Variants in AGMO observed in about 807,000 individuals in gnomAD.
AGMO encodes the protein glyceryl-ether monooxygenase.
A neutral mutation model predicts 60.2 loss-of-function variants in AGMO; 75 were observed. That is an observed-to-expected ratio of 1.25 (90% CI 1.03 to 1.51). AGMO has a LOEUF of 1.51. AGMO is among the 40% of genes most tolerant of loss of function. The probability of loss-of-function intolerance (pLI) is 0.00; values close to 1 mark genes in which losing one functional copy is unlikely to be tolerated. For missense variants in AGMO, 763 were observed against 525.5 expected (o/e 1.45, Z -4.42); for synonymous variants, 261 against 177.1 (o/e 1.47, Z -3.76).
At chr7:15,262,459 C>G (rs1032392143) in intron 12 of AGMO, among the ~76,000 whole-genome samples, 2 of 151,996 alleles carry the variant, frequency 1.3e-5, no homozygotes, top group Non-Finnish European at 1.5e-5. Flanking sequence ...CTACAAGACA[C>G]TGCTGAAATA....
At chr7:15,118,673 T>A in the AGMO span, among the ~76,000 whole-genome samples, 1 of 152,056 alleles carries the variant, frequency 6.6e-6, no homozygotes, top group Non-Finnish European at 1.5e-5. Flanking sequence ...TTTGCCTTTG[T>A]CAACCACTGA....
chr7:15,224,858 A>T (rs1262466378), intron 12 of AGMO, among the ~76,000 whole-genome samples: 4 of 152,068 alleles, frequency 2.6e-5, no homozygotes, highest in Admixed American at 6.6e-5. Context: ...TACAAATTTT[A>T]AAAAAAATGC....
intron 3 of AGMO, among the ~76,000 whole-genome samples, chr7:15,479,702 C>A (rs1782698143): frequency 6.6e-6 from 1 of 151,992 alleles, no homozygotes; most frequent in Admixed American, 6.6e-5. Flanking sequence ...TTCCATCAAC[C>A]CTGAAGGCCT....
chr7:15,434,902 T>A (rs926200003), intron 3 of AGMO, among the ~76,000 whole-genome samples: 6 of 150,230 alleles, frequency 4.0e-5, no homozygotes, highest in Non-Finnish European at 7.4e-5. Context: ...CAATGATTTG[T>A]TTTCTTTCCT....
At chr7:15,141,649 A>G in the AGMO span, among the ~76,000 whole-genome samples, 1 of 152,290 alleles carries the variant, frequency 6.6e-6, no homozygotes, top group Middle Eastern at 3.4e-3. Flanking sequence ...GTTTAGTTTT[A>G]TTTCTCTAAG....
chr7:15,305,471 C>A (rs1780586197), intron 12 of AGMO, among the ~76,000 whole-genome samples: 1 of 151,966 alleles, frequency 6.6e-6, no homozygotes, highest in African/African-American at 2.4e-5. Flanking sequence ...GCATCAATTT[C>A]TTTTCACCTG....
intron 3 of AGMO, among the ~76,000 whole-genome samples, chr7:15,498,280 G>C (rs1365871637): frequency 1.3e-5 from 2 of 151,930 alleles, no homozygotes; most frequent in African/African-American, 2.4e-5. Context: ...AACAGTAGTA[G>C]TGATAATTTA....
intron 2 of AGMO, among the ~76,000 whole-genome samples, chr7:15,546,521 T>C (rs894230722): frequency 1.3e-5 from 2 of 152,218 alleles, no homozygotes; most frequent in Non-Finnish European, 2.9e-5. Context: ...CCATTCTTCC[T>C]GAGGGCAGAC....
chr7:15,354,713 G>A (rs369776834), intron 12 of AGMO, among the ~76,000 whole-genome samples: 2 of 150,202 alleles, frequency 1.3e-5, no homozygotes, highest in East Asian at 4.0e-4. Flanking sequence ...AGTTAAGAAA[G>A]AAGAAGAAAT....
At chr7:15,435,325 T>TTA (rs1554271954) in intron 3 of AGMO, among the ~76,000 whole-genome samples, 6 of 152,062 alleles carry the variant, frequency 3.9e-5, no homozygotes, top group Non-Finnish European at 7.4e-5. Flanking sequence ...TTTTTTTTTT[T>TTA]TTATTAGTAC....
chr7:15,407,232 CATATAT>C (rs60144769), intron 5 of AGMO, among the ~76,000 whole-genome samples: 42 of 132,158 alleles, frequency 3.2e-4, no homozygotes, highest in African/African-American at 9.5e-4. Flanking sequence ...CTTTGGAATA[CATATAT>C]ATATATATAT....
At chr7:15,189,401 A>G in the AGMO span, among the ~76,000 whole-genome samples, 22 of 152,238 alleles carry the variant, frequency 1.4e-4, no homozygotes, top group East Asian at 3.9e-3. Flanking sequence ...CTCTTCCATT[A>G]AAGAGCTGGA....
chr7:15,450,202 C>T (rs1180920442), intron 3 of AGMO, among the ~76,000 whole-genome samples: 2 of 152,030 alleles, frequency 1.3e-5, no homozygotes, highest in Non-Finnish European at 2.9e-5. Flanking sequence ...GGGCAGATCA[C>T]GAGTTCAAGA....
At chr7:15,561,618 T>A in intron 1 of AGMO, 102 bp downstream of exon 1, 1 of 1,085,128 alleles carries the variant, frequency 9.2e-7, no homozygotes, top group Non-Finnish European at 1.3e-6. Flanking sequence ...TAGAATGTAA[T>A]CATTTGAATA....
Position 15,415,242 on chromosome 7 carries a change from A to G in AGMO, c.609+3316T>C, listed in dbSNP as rs866308488. Among the ~76,000 whole-genome samples the G allele has an allele frequency of 2.6e-4, 40 of 151,756 alleles. No homozygotes were observed. In the South Asian group the frequency reaches 4.0e-3, roughly 15 times the overall value. On this transcript the variant is annotated intron_variant, in intron 5 of 12. Transcript: ENST00000342526. ...CTCACGAGTAGCTGGGACTACAGGC[A>G]CCCGCCACCATGCCCGGCTAATTTT...
chr7:15,159,381 A>G, the AGMO span, among the ~76,000 whole-genome samples: 1 of 152,114 alleles, frequency 6.6e-6, no homozygotes, highest in Non-Finnish European at 1.5e-5. Context: ...GCAGAGATTG[A>G]TTGCTTTGTT....
At chr7:15,396,166 T>G (rs886562125) in intron 5 of AGMO, 1 of 152,438 alleles carries the variant, frequency 6.6e-6, no homozygotes, top group Non-Finnish European at 1.5e-5. Context: ...TATATGTCAA[T>G]TTAGCCCTCC....
chr7:15,419,715 G>C (rs1452357707), intron 4 of AGMO, among the ~76,000 whole-genome samples: 1 of 151,754 alleles, frequency 6.6e-6, no homozygotes, highest in Non-Finnish European at 1.5e-5. Context: ...CAATGGATTA[G>C]ATTAGTGAGA....
chr7:15,366,147 C>G lies in AGMO; in HGVS notation c.1150G>C (p.Asp384His), dbSNP rs779761395. The G allele has an allele frequency of 6.2e-7, 1 of 1,605,624 alleles. No individual in the cohort carries two copies. The highest frequency in any genetic ancestry group is 1.1e-5 in the South Asian group (1 of 89,686). The change falls in exon 11 of 13, where the codon GAT becomes CAT. Residue 384 changes from aspartate (D) to histidine (H), a missense_variant. Transcript: ENST00000342526. ...LTLTSIGFLLDQRPKAAIMET... is the reference protein window; with the variant it reads ...LTLTSIGFLLHQRPKAAIMET... ...AAGAATTTCACTTCTTGCCTTTGATCCAGAAGAAATCCAATGGAAGTCAAG... is the reference window on the plus strand; with the variant it reads ...AAGAATTTCACTTCTTGCCTTTGATGCAGAAGAAATCCAATGGAAGTCAAG...
Sources: allele counts gnomAD v4.1 joint callset (sites outside exome capture counted in the v4.1 genomes callset), GRCh38; gene constraint gnomAD v4.1.1; transcripts MANE v1.5; gene names NCBI Gene and HGNC (gene_info 2026-07-23, HGNC 2026-07-21).